MOBP: variants seen among roughly 807,000 people sequenced by gnomAD.
MOBP encodes myelin-associated oligodendrocyte basic protein.
In MOBP, 5 loss-of-function variants were observed where a neutral mutation model predicts 15.0. The ratio of observed to expected loss-of-function variants is 0.33; its 90% CI spans 0.17 to 0.70. The LOEUF (loss-of-function observed/expected upper bound fraction) is 0.70. Among genes scored for constraint, MOBP ranks in the 30% least tolerant of loss-of-function variants. The pLI, the probability that MOBP is intolerant of heterozygous loss-of-function variation, is 0.67. For missense variants in MOBP, 188 were observed against 257.8 expected, an observed-to-expected ratio of 0.73 and a Z score of 1.85; for synonymous variants, 88 against 99.0, an observed-to-expected ratio of 0.89 and a Z score of 0.66.
downstream of MOBP, among the ~76,000 whole-genome samples, chr3:39,516,848 A>T (rs764472848): frequency 6.6e-6 from 1 of 152,204 alleles, no homozygotes; most frequent in Non-Finnish European, 1.5e-5. Flanking sequence ...ATTCATGAGG[A>T]AATTTTGATG....
chr3:39,502,972 C>A lies in MOBP; in HGVS notation c.*92C>A. 3 of 629,904 alleles carry A rather than the reference C, an allele frequency of 4.8e-6. No individual in the cohort carries two copies. The highest frequency in any genetic ancestry group is 8.2e-6 in the Non-Finnish European group (3 of 366,122). 39.0% of individuals were successfully genotyped at this position (629,904 alleles called of 1,614,324 possible). On this transcript the variant is annotated 3_prime_UTR_variant, in exon 4 of 4. Coordinates refer to ENST00000684792, the MANE Select transcript of MOBP (RefSeq NM_001393704.1). This position sits in a 1 kb window ranked among gnomAD's most constrained non-coding sequence, Gnocchi z 6.3. ...GGGCTGTCTCCATGGCCCTCTTCAG[C>A]CTTATTACCCAACCTGTGTAATCAG...
exon 5 of MOBP, chr3:39,513,578 A>T (rs2043149954): frequency 4.0e-6 from 3 of 756,656 alleles, no homozygotes; most frequent in Non-Finnish European, 6.5e-6. Flanking sequence ...TCCCCATGGC[A>T]TGGGGGCCTC....
downstream of MOBP, among the ~76,000 whole-genome samples, chr3:39,517,521 C>T (rs919835316): frequency 1.3e-5 from 2 of 152,202 alleles, no homozygotes; most frequent in Non-Finnish European, 2.9e-5. Context: ...ATGTTGACTT[C>T]TGACTTCATA....
chr3:39,502,049 G>T lies in MOBP; in HGVS notation c.-4-17G>T. 1 of 1,610,340 alleles carries T rather than the reference G, an allele frequency of 6.2e-7. No homozygotes were observed. The highest frequency in any genetic ancestry group is 1.1e-5 in the South Asian group (1 of 90,978). On this transcript the variant is annotated splice_polypyrimidine_tract_variant and intron_variant, in intron 2 of 3. Coordinates refer to ENST00000684792, the MANE Select transcript of MOBP (RefSeq NM_001393704.1). This position sits in a 1 kb window ranked among gnomAD's most constrained non-coding sequence, Gnocchi z 6.3. ...CGTTTATGTCTCCTCCTGTCTCCTTGCATCGGCGATTTCCAGTGAGATGAG... is the reference window on the plus strand; with the variant it reads ...CGTTTATGTCTCCTCCTGTCTCCTTTCATCGGCGATTTCCAGTGAGATGAG...
intron 1 of MOBP, among the ~76,000 whole-genome samples, chr3:39,470,893 A>G (rs550368806): frequency 2.0e-5 from 3 of 152,296 alleles, no homozygotes; most frequent in African/African-American, 7.2e-5. Flanking sequence ...GTTCAGCTAA[A>G]ACAGCTAAAA....
At chr3:39,496,015 C>T (rs1442806955) in intron 2 of MOBP, among the ~76,000 whole-genome samples, 1 of 151,610 alleles carries the variant, frequency 6.6e-6, no homozygotes, top group African/African-American at 2.4e-5. Flanking sequence ...ACAACATGAA[C>T]TTGAAAAGTG....
intron 1 of MOBP, among the ~76,000 whole-genome samples, chr3:39,478,689 A>G (rs185452461): frequency 6.6e-6 from 1 of 152,124 alleles, no homozygotes; most frequent in East Asian, 1.9e-4. Flanking sequence ...CCTTTCTCTC[A>G]AGGATCATAG....
In MOBP at chr3:39,484,044, C is replaced by T. The variant is rs138119734; in HGVS notation, c.-5+3921C>T. ...AGAAACTCTGTCCTCAAAGAGCTCA[C>T]GCTGAGATCACAGACATATAGCCAC... On this transcript the variant is annotated intron_variant, in intron 2 of 3. Coordinates refer to ENST00000684792, the MANE Select transcript of MOBP (RefSeq NM_001393704.1). Among the ~76,000 whole-genome samples, 660 of 152,280 alleles carry T rather than the reference C, an allele frequency of 4.3e-3. 2 individuals are homozygous for T. The highest frequency in any genetic ancestry group is 0.015 in the African/African-American group (618 of 41,564).
chr3:39,507,259 G>T (rs1040660381), downstream of MOBP, among the ~76,000 whole-genome samples: 2 of 152,090 alleles, frequency 1.3e-5, no homozygotes, highest in Non-Finnish European at 2.9e-5. Context: ...TCTTCTTTTT[G>T]TTTGCTATCT....
At chr3:39,507,349 A>G (rs1018157354), downstream of MOBP, among the ~76,000 whole-genome samples, 4 of 152,192 alleles carry the variant, frequency 2.6e-5, no homozygotes, top group Non-Finnish European at 5.9e-5. Context: ...TCCCCTGCAT[A>G]TAAATGCTGG....
exon 5 of MOBP, chr3:39,513,506 C>T: frequency 7.2e-7 from 1 of 1,380,526 alleles, no homozygotes; most frequent in Non-Finnish European, 1.0e-6. Flanking sequence ...ATGAAGTTAT[C>T]TGGCTTCAAA....
intron 1 of MOBP, among the ~76,000 whole-genome samples, chr3:39,473,269 A>G (rs896223972): frequency 2.6e-5 from 4 of 152,180 alleles, no homozygotes; most frequent in Admixed American, 6.5e-5. Flanking sequence ...CCAGATCAGG[A>G]GATAGTTGCC....
In MOBP at chr3:39,502,959, T is replaced by A; in HGVS notation, c.*79T>A. The stretch of plus-strand genomic sequence containing the variant: ...GTTTACTAACACCGGGCTGTCTCCA[T>A]GGCCCTCTTCAGCCTTATTACCCAA... On this transcript the variant is annotated 3_prime_UTR_variant, in exon 4 of 4. Coordinates refer to ENST00000684792, the MANE Select transcript of MOBP (RefSeq NM_001393704.1). This position sits in a 1 kb window ranked among gnomAD's most constrained non-coding sequence, Gnocchi z 6.3. 1.5e-6 allele frequency: 1 copy of A among 686,920 alleles called. No individual in the cohort carries two copies. Among genetic ancestry groups the A allele is most frequent in the African/African-American group, 1.8e-5 (1 of 55,446 alleles). The allele number at this position is 686,920 out of a possible 1,614,324, so 42.6% of individuals were successfully genotyped here. A position where few individuals can be genotyped will look rare whatever the true frequency, so the allele number is the denominator to read the frequency against.
At chr3:39,477,776 A>G (rs1016473824) in intron 1 of MOBP, among the ~76,000 whole-genome samples, 1 of 151,896 alleles carries the variant, frequency 6.6e-6, no homozygotes, top group Non-Finnish European at 1.5e-5. Context: ...GATATTGACT[A>G]TCTTGACCCT....
At chr3:39,481,240 A>C (rs897389898) in intron 2 of MOBP, among the ~76,000 whole-genome samples, 1 of 152,238 alleles carries the variant, frequency 6.6e-6, no homozygotes, top group Non-Finnish European at 1.5e-5. Context: ...CTAGACTCCC[A>C]AAACTGACTG....
chr3:39,503,133 T>G (rs1296843990), downstream of MOBP: 2 of 458,818 alleles, frequency 4.4e-6, no homozygotes, highest in African/African-American at 4.1e-5. Flanking sequence ...TGTTAATCTA[T>G]CAATTGAGAT....
intron 2 of MOBP, among the ~76,000 whole-genome samples, chr3:39,493,870 C>T (rs956051365): frequency 4.6e-5 from 7 of 152,056 alleles, no homozygotes; most frequent in African/African-American, 1.7e-4. Flanking sequence ...GGAAGGAACC[C>T]TATGGGACAA....
chr3:39,482,739 A>G (rs2042646818), intron 2 of MOBP, among the ~76,000 whole-genome samples: 1 of 151,482 alleles, frequency 6.6e-6, no homozygotes, highest in Non-Finnish European at 1.5e-5. Flanking sequence ...CCTCCCTTAT[A>G]GTATTTTTTG....
intron 3 of MOBP, among the ~76,000 whole-genome samples, chr3:39,521,800 A>G (rs1387934826): frequency 6.6e-6 from 1 of 152,252 alleles, no homozygotes; most frequent in Non-Finnish European, 1.5e-5. Flanking sequence ...CAACTACCTC[A>G]GAGGACAGGT....
Sources: allele counts gnomAD v4.1 joint callset (sites outside exome capture counted in the v4.1 genomes callset), GRCh38; gene constraint gnomAD v4.1.1; non-coding constraint Gnocchi (gnomAD v3.1); transcripts MANE v1.5; gene names NCBI Gene and HGNC (gene_info 2026-07-23, HGNC 2026-07-21).